BABAM2: variants seen among roughly 807,000 people sequenced by gnomAD.
BABAM2 encodes BRISC and BRCA1-A complex member 2.
BABAM2 carries 31 observed loss-of-function variants against 54.7 expected under a neutral mutation model. The observed-to-expected ratio is 0.57, with a 90% CI of 0.43 to 0.77. BABAM2 has a LOEUF of 0.77. Ranked by LOEUF, BABAM2 falls within the 30% of genes least tolerant of loss-of-function variation. The probability of loss-of-function intolerance (pLI) is 0.00; values close to 1 mark genes in which losing one functional copy is unlikely to be tolerated. For missense variants in BABAM2, 364 were observed against 455.8 expected, an observed-to-expected ratio of 0.80 and a Z score of 1.83; for synonymous variants, 167 against 162.9, an observed-to-expected ratio of 1.03 and a Z score of -0.19.
intron 11 of BABAM2, among the ~76,000 whole-genome samples, chr2:28,323,276 C>G (rs906963969): frequency 6.6e-5 from 10 of 152,170 alleles, no homozygotes; most frequent in Non-Finnish European, 1.3e-4. Context: ...GGATACTGGC[C>G]AGCATTCTTG....
chr2:28,206,466 G>T (rs527691878), intron 7 of BABAM2, among the ~76,000 whole-genome samples: 1 of 151,998 alleles, frequency 6.6e-6, no homozygotes, highest in Admixed American at 6.6e-5. Flanking sequence ...ATTAAATATC[G>T]ACTACAATTG....
chr2:27,997,086 AAATT>A (rs1251959269), intron 4 of BABAM2, among the ~76,000 whole-genome samples: 13 of 152,300 alleles, frequency 8.5e-5, no homozygotes, highest in African/African-American at 2.9e-4. Flanking sequence ...AGAATTAATA[AAATT>A]AATCAATAAT....
chr2:27,991,163 T>G (rs555519612), intron 4 of BABAM2, among the ~76,000 whole-genome samples: 1 of 152,180 alleles, frequency 6.6e-6, no homozygotes, highest in Non-Finnish European at 1.5e-5. Context: ...AAAATACAGA[T>G]TACTGGACCT....
chr2:28,200,126 C>T (rs1017533482), intron 7 of BABAM2, among the ~76,000 whole-genome samples: 1 of 152,144 alleles, frequency 6.6e-6, no homozygotes. Flanking sequence ...ACAACCCTAC[C>T]TATCTTCTAG....
intron 7 of BABAM2, among the ~76,000 whole-genome samples, chr2:28,228,929 GACATACTCTGTTTGCAATT>G (rs1439030324): frequency 6.6e-6 from 1 of 152,146 alleles, no homozygotes; most frequent in African/African-American, 2.4e-5. Context: ...CATGCCATTA[GACATACTCTGTTTGCAATT>G]ACAATAGTCT....
At chr2:28,224,849 G>GAAAAAA (rs1406843262) in intron 7 of BABAM2, among the ~76,000 whole-genome samples, 1 of 60,372 alleles carries the variant, frequency 1.7e-5, no homozygotes, top group Non-Finnish European at 3.5e-5. Flanking sequence ...ACGGTAAATT[G>GAAAAAA]ACAAAAAAAA....
At chr2:28,015,779 TC>T (rs2148542315) in intron 4 of BABAM2, 1 of 1,083,802 alleles carries the variant, frequency 9.2e-7, no homozygotes, top group East Asian at 5.6e-5. Context: ...CTAGCAGGCT[TC>T]TTTTTCTTCT....
intron 6 of BABAM2, among the ~76,000 whole-genome samples, chr2:28,098,102 A>G (rs935821405): frequency 6.6e-6 from 1 of 152,236 alleles, no homozygotes; most frequent in African/African-American, 2.4e-5. Context: ...CAAGTTCTGT[A>G]AAATCAGTGT....
intron 2 of BABAM2, among the ~76,000 whole-genome samples, chr2:27,918,368 C>T (rs1016983315): frequency 6.6e-6 from 1 of 152,072 alleles, no homozygotes; most frequent in Admixed American, 6.6e-5. Flanking sequence ...TTTCACTTAG[C>T]ATAAGGTCCT....
In BABAM2 at chr2:28,241,436, G is replaced by A. The variant is rs750500355; in HGVS notation, c.851+43G>A. 1.0e-5 allele frequency: 16 copies of A among 1,563,564 alleles called. No homozygotes were observed. The East Asian group carries it at 1.1e-4, about 11-fold the overall frequency. ...TGAACGATATACCGGTGATGCCCTCGCTTGCTGATGACCTCAACATGGGGG... is the reference window on the plus strand; with the variant it reads ...TGAACGATATACCGGTGATGCCCTCACTTGCTGATGACCTCAACATGGGGG... On this transcript the variant is annotated intron_variant, in intron 9 of 11. Coordinates refer to ENST00000379624, the MANE Select transcript of BABAM2 (RefSeq NM_199191.3).
chr2:28,336,296 C>T (rs564202348), intron 11 of BABAM2, among the ~76,000 whole-genome samples: 4 of 152,200 alleles, frequency 2.6e-5, no homozygotes, highest in African/African-American at 7.2e-5. Context: ...GAAACTGGTT[C>T]GGAAGGAAAC....
intron 4 of BABAM2, 115 bp from the exon 5 acceptor site, chr2:28,025,111 C>T (rs1163990442): frequency 4.4e-5 from 42 of 948,970 alleles, no homozygotes; most frequent in Non-Finnish European, 6.1e-5. Context: ...GAGGAGTAGT[C>T]TGTTCCTCTT....
At chr2:28,008,838 C>G (rs978816239) in intron 4 of BABAM2, among the ~76,000 whole-genome samples, 1 of 152,084 alleles carries the variant, frequency 6.6e-6, no homozygotes, top group East Asian at 1.9e-4. Flanking sequence ...ATAGGAGAAG[C>G]AGAAAGGAGC....
At chr2:28,151,893 G>T (rs905926189) in intron 7 of BABAM2, among the ~76,000 whole-genome samples, 1 of 152,152 alleles carries the variant, frequency 6.6e-6, no homozygotes, top group Non-Finnish European at 1.5e-5. Flanking sequence ...TTCACACACA[G>T]ATTTTCCCCC....
chr2:28,245,148 T>C (rs1264945874), intron 10 of BABAM2, among the ~76,000 whole-genome samples: 1 of 151,944 alleles, frequency 6.6e-6, no homozygotes, highest in Non-Finnish European at 1.5e-5. Flanking sequence ...TGGGTAGAGG[T>C]CAGTGATGCA....
intron 2 of BABAM2, among the ~76,000 whole-genome samples, chr2:27,909,594 C>T (rs751295444): frequency 6.6e-6 from 1 of 152,128 alleles, no homozygotes; most frequent in Non-Finnish European, 1.5e-5. Context: ...TGTATGTTCT[C>T]CAGTTGGTTA....
At chr2:28,072,722 C>G (rs1400801621) in intron 6 of BABAM2, among the ~76,000 whole-genome samples, 1 of 152,192 alleles carries the variant, frequency 6.6e-6, no homozygotes, top group African/African-American at 2.4e-5. Context: ...TTAGCTATTA[C>G]AGTTTAGGCT....
chr2:27,991,839 G>A (rs1335923454), intron 4 of BABAM2, among the ~76,000 whole-genome samples: 1 of 152,158 alleles, frequency 6.6e-6, no homozygotes, highest in African/African-American at 2.4e-5. Flanking sequence ...AACTACTGTT[G>A]TGTGGATATT....
At chr2:28,253,567 C>G (rs1372016365) in intron 10 of BABAM2, among the ~76,000 whole-genome samples, 3 of 152,086 alleles carry the variant, frequency 2.0e-5, no homozygotes, top group South Asian at 2.1e-4. Flanking sequence ...AATGACAGAG[C>G]TAGTGTTTAA....
Sources: gnomAD v4.1 joint callset for allele counts (sites outside exome capture counted in the v4.1 genomes callset) on GRCh38, gnomAD v4.1.1 for gene constraint, MANE v1.5 for transcripts, NCBI Gene and HGNC (gene_info 2026-07-23, HGNC 2026-07-21) for gene names.